The following PHACTR2 variants were observed in gnomAD, a reference collection of about 807,000 sequenced individuals.
PHACTR2 encodes phosphatase and actin regulator 2.
A neutral mutation model predicts 76.0 loss-of-function variants in PHACTR2; 30 were observed. The observed-to-expected ratio is 0.39, with a 90% CI of 0.30 to 0.54. The LOEUF (loss-of-function observed/expected upper bound fraction) is 0.54. PHACTR2 is among the 20% of genes least tolerant of loss of function. PHACTR2 has a pLI of 0.61. For missense variants in PHACTR2, 696 were observed against 781.1 expected, an observed-to-expected ratio of 0.89 and a Z score of 1.30; for synonymous variants, 292 against 292.5, an observed-to-expected ratio of 1.00 and a Z score of 0.02.
At chr6:143,725,069 G>A (rs112889049) in intron 2 of PHACTR2, among the ~76,000 whole-genome samples, 2,042 of 151,832 alleles carry the variant, frequency 0.013, 46 homozygotes, top group African/African-American at 0.047. Context: ...TTTCCTCTTT[G>A]TTTTATATGT....
chr6:143,609,610 C>T (rs949122969), intron 1 of PHACTR2, among the ~76,000 whole-genome samples: 9 of 152,056 alleles, frequency 5.9e-5, no homozygotes, highest in Non-Finnish European at 1.3e-4. Flanking sequence ...GAAGATCAAC[C>T]AAAAGCTTCT....
chr6:143,726,666 G>T (rs188103493), intron 2 of PHACTR2, among the ~76,000 whole-genome samples: 2 of 152,266 alleles, frequency 1.3e-5, no homozygotes. Context: ...GGACATTTGG[G>T]CTGCATCCAT....
chr6:143,620,592 G>A (rs1776136227), intron 1 of PHACTR2, among the ~76,000 whole-genome samples: 1 of 152,288 alleles, frequency 6.6e-6, no homozygotes, highest in East Asian at 1.9e-4. Context: ...AACTAAGGCA[G>A]AGAAGTTTAT....
rs942825580 is a variant in PHACTR2, at chr6:143,709,191, C to T, written c.47-2825C>T. On this transcript the variant is annotated intron_variant, in intron 1 of 12. Coordinates refer to ENST00000440869, the MANE Select transcript of PHACTR2 (RefSeq NM_001100164.2). This position sits in a 1 kb window ranked among gnomAD's most constrained non-coding sequence, Gnocchi z 4.4. Reference sequence around the variant, plus strand: ...AATTAGCTTCAAAATCAGTCTGTCCCCTGTATCTCTATCTGTTGTGCTATG... The same window carrying T: ...AATTAGCTTCAAAATCAGTCTGTCCTCTGTATCTCTATCTGTTGTGCTATG... 6.6e-6 allele frequency among the ~76,000 whole-genome samples: 1 copy of T among 152,122 alleles called. No individual in the cohort carries two copies. Among genetic ancestry groups the T allele is most frequent in the South Asian group, 2.1e-4 (1 of 4,830 alleles).
At position 143,823,690 on chromosome 6, in the gene PHACTR2, C is replaced by G. The variant is rs182283279; in HGVS notation, c.*1C>G. 1 of 1,610,816 alleles carries G rather than the reference C, an allele frequency of 6.2e-7. No individual in the cohort carries two copies. On this transcript the variant is annotated 3_prime_UTR_variant, in exon 13 of 13. Coordinates refer to ENST00000440869, the MANE Select transcript of PHACTR2 (RefSeq NM_001100164.2). This position sits in a 1 kb window ranked among gnomAD's most constrained non-coding sequence, Gnocchi z 5.7. Reference sequence around the variant, plus strand: ...TTACTCCAGGTTTCATCGTCCATAACGAAGAGTGAGACTATTTGGAAACAG... The same window carrying G: ...TTACTCCAGGTTTCATCGTCCATAAGGAAGAGTGAGACTATTTGGAAACAG...
At chr6:143,628,839 G>A (rs1776304582) in intron 1 of PHACTR2, among the ~76,000 whole-genome samples, 2 of 149,774 alleles carry the variant, frequency 1.3e-5, no homozygotes, top group East Asian at 4.0e-4. Context: ...AGCAGTGCTG[G>A]TCACAATCCT....
Position 143,803,033 on chromosome 6 carries a change from C to T in PHACTR2, c.1846-4024C>T, listed in dbSNP as rs925123888. On this transcript the variant is annotated intron_variant, in intron 11 of 12. Coordinates refer to ENST00000440869, the MANE Select transcript of PHACTR2 (RefSeq NM_001100164.2). This position sits in a 1 kb window ranked among gnomAD's most constrained non-coding sequence, Gnocchi z 4.7. ...ATTGTAAGCCAGCACACACAACATGCAGATCTGAAGCAATTTTCCTGATGA... is the reference window on the plus strand; with the variant it reads ...ATTGTAAGCCAGCACACACAACATGTAGATCTGAAGCAATTTTCCTGATGA... Among the ~76,000 whole-genome samples, 2 of 152,102 alleles carry T rather than the reference C, an allele frequency of 1.3e-5. No individual in the cohort carries two copies. Among genetic ancestry groups the T allele is most frequent in the African/African-American group, 4.8e-5 (2 of 41,408 alleles).
intron 1 of PHACTR2, among the ~76,000 whole-genome samples, chr6:143,545,482 C>G (rs1774973163): frequency 6.6e-6 from 1 of 152,152 alleles, no homozygotes; most frequent in South Asian, 2.1e-4. Context: ...GAAGGAAGTG[C>G]ACTCATGCTA....
chr6:143,665,932 T>C (rs1369611372), intron 1 of PHACTR2, among the ~76,000 whole-genome samples: 1 of 152,212 alleles, frequency 6.6e-6, no homozygotes, highest in Non-Finnish European at 1.5e-5. Flanking sequence ...TGCAGGTTTG[T>C]TACATAGGTA....
At position 143,801,495 on chromosome 6, in the gene PHACTR2, T is replaced by C. The variant is rs1775953911; in HGVS notation, c.1846-5562T>C. Among the ~76,000 whole-genome samples the C allele has an allele frequency of 1.3e-5, 2 of 152,184 alleles. No homozygotes were observed. Among genetic ancestry groups the C allele is most frequent in the South Asian group, 2.1e-4 (1 of 4,832 alleles). On this transcript the variant is annotated intron_variant, in intron 11 of 12. Coordinates refer to ENST00000440869, the MANE Select transcript of PHACTR2 (RefSeq NM_001100164.2). The surrounding 1 kb of genome is among the most constrained non-coding windows in gnomAD (Gnocchi z 4.6). ...TTCTTCCGCTTGATCGAAGTGGCTA[T>C]TGAGGCTTGTGTATGCTTCACGGAG...
chr6:143,813,888 T>C (rs185495820), intron 12 of PHACTR2, among the ~76,000 whole-genome samples: 116 of 152,220 alleles, frequency 7.6e-4, no homozygotes, highest in African/African-American at 2.8e-3. Flanking sequence ...CCACTCACAG[T>C]CAAAAATACA....
chr6:143,784,206 A>G lies in PHACTR2; in HGVS notation c.1707+926A>G, dbSNP rs1330365502. On this transcript the variant is annotated intron_variant, in intron 10 of 12. Coordinates refer to ENST00000440869, the MANE Select transcript of PHACTR2 (RefSeq NM_001100164.2). This position sits in a 1 kb window ranked among gnomAD's most constrained non-coding sequence, Gnocchi z 4.5. Reference sequence around the variant, plus strand: ...ATCACAGCTGGGTAAGTAATTTATTAAGTGAACTTGATCATCCAGCCTGCC... The same window carrying G: ...ATCACAGCTGGGTAAGTAATTTATTGAGTGAACTTGATCATCCAGCCTGCC... 3.9e-5 allele frequency among the ~76,000 whole-genome samples: 6 copies of G among 152,228 alleles called. No homozygotes were observed. Among genetic ancestry groups the G allele is most frequent in the African/African-American group, 1.4e-4 (6 of 41,450 alleles).
At chr6:143,812,139 C>A (rs9390141) in intron 12 of PHACTR2, among the ~76,000 whole-genome samples, 60,580 of 151,866 alleles carry the variant, frequency 0.4, 12,597 homozygotes, top group African/African-American at 0.51. Context: ...CATTTCCAAC[C>A]CAGTGATGTA....
chr6:143,794,769 G>T lies in PHACTR2; in HGVS notation c.1845+5859G>T, dbSNP rs1775788538. On this transcript the variant is annotated intron_variant, in intron 11 of 12. Transcript: ENST00000440869. The surrounding 1 kb of genome is among the most constrained non-coding windows in gnomAD (Gnocchi z 4.1). ...AGATTATGCCGCCGCACTCCAGCCTGGGTGACAAAGCGAGACTCCATCTCA... is the reference window on the plus strand; with the variant it reads ...AGATTATGCCGCCGCACTCCAGCCTTGGTGACAAAGCGAGACTCCATCTCA... Among the ~76,000 whole-genome samples the T allele has an allele frequency of 6.6e-6, 1 of 152,168 alleles. No homozygotes were observed. The highest frequency in any genetic ancestry group is 2.1e-4 in the South Asian group (1 of 4,832).
At chr6:143,644,361 A>C (rs12211387) in intron 1 of PHACTR2, among the ~76,000 whole-genome samples, 1 of 151,072 alleles carries the variant, frequency 6.6e-6, no homozygotes, top group African/African-American at 2.4e-5. Flanking sequence ...CCAGCTACTC[A>C]GGAGGCTGAG....
rs987935502 is a variant in PHACTR2, at chr6:143,755,784, C to A, written c.454+1872C>A. Among the ~76,000 whole-genome samples the A allele has an allele frequency of 6.6e-6, 1 of 152,134 alleles. No individual in the cohort carries two copies. ...TAGGTATAGAAGCCACTTCGTGAGA[C>A]TGAAAAGAATGTCACGCATAACTAA... On this transcript the variant is annotated intron_variant, in intron 4 of 12. Transcript: ENST00000440869. The surrounding 1 kb of genome is among the most constrained non-coding windows in gnomAD (Gnocchi z 5.2).
At position 143,556,103 on chromosome 6, in the gene PHACTR2, T is replaced by A. The variant is rs532264391; in HGVS notation, c.217+18896T>A. On this transcript the variant is annotated intron_variant, in intron 1 of 11. Coordinates refer to the PHACTR2 transcript ENST00000367584. The surrounding 1 kb of genome is among the most constrained non-coding windows in gnomAD (Gnocchi z 4.3). Reference sequence around the variant, plus strand: ...TTGAAGGTAGTAGCAGAAGGGACAGTGAAAACTCATGATGGTTAAGAAATT... The same window carrying A: ...TTGAAGGTAGTAGCAGAAGGGACAGAGAAAACTCATGATGGTTAAGAAATT... Among the ~76,000 whole-genome samples, 1 of 152,316 alleles carries A rather than the reference T, an allele frequency of 6.6e-6. No homozygotes were observed. Among genetic ancestry groups the A allele is most frequent in the East Asian group, 1.9e-4 (1 of 5,186 alleles).
In PHACTR2 at chr6:143,731,343, A is replaced by G. The variant is rs531832318; in HGVS notation, c.215-17642A>G. ...GCTCTTGTTGCCCAGGCTGGAGTGC[A>G]ATGGCACGGTCTTGGCTCACAGCAA... On this transcript the variant is annotated intron_variant, in intron 2 of 12. Coordinates refer to ENST00000440869, the MANE Select transcript of PHACTR2 (RefSeq NM_001100164.2). The surrounding 1 kb of genome is among the most constrained non-coding windows in gnomAD (Gnocchi z 4.9). Among the ~76,000 whole-genome samples, 1 of 151,956 alleles carries G rather than the reference A, an allele frequency of 6.6e-6. No individual in the cohort carries two copies. Among genetic ancestry groups the G allele is most frequent in the South Asian group, 2.1e-4 (1 of 4,800 alleles).
chr6:143,823,797 AC>A lies in PHACTR2; in HGVS notation c.*109del. On this transcript the variant is annotated 3_prime_UTR_variant, in exon 13 of 13. Transcript: ENST00000440869. This position sits in a 1 kb window ranked among gnomAD's most constrained non-coding sequence, Gnocchi z 5.7. The stretch of plus-strand genomic sequence containing the variant: ...ATTTGAATGTGTGTGTTTCCGTTTA[AC>A]TTGTGGTGAAGGAAGTGTGTGACTC... The A allele has an allele frequency of 1.1e-6, 1 of 948,414 alleles. No homozygotes were observed. Among genetic ancestry groups the A allele is most frequent in the Admixed American group, 1.7e-5 (1 of 58,256 alleles). The allele number at this position is 948,414 out of a possible 1,614,324, so 58.7% of individuals were successfully genotyped here.
Sources: allele counts gnomAD v4.1 joint callset (sites outside exome capture counted in the v4.1 genomes callset), GRCh38; gene constraint gnomAD v4.1.1; non-coding constraint Gnocchi (gnomAD v3.1); transcripts MANE v1.5; gene names NCBI Gene and HGNC (gene_info 2026-07-23, HGNC 2026-07-21).